MRPS9: variants seen among roughly 807,000 people sequenced by gnomAD.
The protein encoded by MRPS9 is small ribosomal subunit protein uS9m.
MRPS9 carries 45 observed loss-of-function variants against 59.9 expected under a neutral mutation model. The observed-to-expected ratio is 0.75, with a 90% CI of 0.59 to 0.96. MRPS9 has a LOEUF of 0.96. MRPS9 is among the 40% of genes least tolerant of loss of function. The probability of loss-of-function intolerance (pLI) is 0.00; values close to 1 mark genes in which losing one functional copy is unlikely to be tolerated. For missense variants in MRPS9, 473 were observed against 481.1 expected (o/e 0.98, Z 0.16); for synonymous variants, 171 against 166.8 (o/e 1.03, Z -0.19).
intron 2 of MRPS9, among the ~76,000 whole-genome samples, chr2:105,060,584 A>G (rs1190948343): frequency 2.0e-5 from 3 of 152,168 alleles, no homozygotes; most frequent in Admixed American, 1.3e-4. Flanking sequence ...CCTGGCCGCT[A>G]TTGTGTGTTT....
Position 105,099,655 on chromosome 2 carries a change from C to CT in MRPS9, c.1100-10dup. ...ATATTAATGGTTCCTAAAGGCTTCT[C>CT]TTTTTATGCTGCAGCTGGACTACTT... is the stretch of plus-strand genomic sequence containing the variant. On this transcript the variant is annotated splice_polypyrimidine_tract_variant and intron_variant, in intron 10 of 10. Transcript: ENST00000258455. The CT allele has an allele frequency of 2.5e-6, 4 of 1,612,778 alleles. No homozygotes were observed. The highest frequency in any genetic ancestry group is 3.4e-6 in the Non-Finnish European group (4 of 1,179,360).
At position 105,042,751 on chromosome 2, in the gene MRPS9, T is replaced by C. The variant is rs144813454; in HGVS notation, c.135+4524T>C. Reference sequence around the variant, plus strand: ...ACTTTAACATCACTCATTTCTTCTTTACAATTATTTCTGTTAACATTTAAT... The same window carrying C: ...ACTTTAACATCACTCATTTCTTCTTCACAATTATTTCTGTTAACATTTAAT... On this transcript the variant is annotated intron_variant, in intron 1 of 10. Coordinates refer to ENST00000258455, the MANE Select transcript of MRPS9 (RefSeq NM_182640.3). 5.6e-4 allele frequency among the ~76,000 whole-genome samples: 85 copies of C among 152,366 alleles called. 1 individual carries two copies. In the East Asian group the frequency reaches 0.015, roughly 27 times the overall value.
intron 5 of MRPS9, among the ~76,000 whole-genome samples, 164 bp downstream of exon 5, chr2:105,080,226 C>T (rs1315829863): frequency 2.0e-5 from 3 of 152,088 alleles, no homozygotes; most frequent in Non-Finnish European, 4.4e-5. Flanking sequence ...TATAGTAATT[C>T]ATTTTTGCTA....
intron 2 of MRPS9, among the ~76,000 whole-genome samples, chr2:105,065,669 C>T (rs537637249): frequency 1.3e-5 from 2 of 152,296 alleles, no homozygotes; most frequent in African/African-American, 2.4e-5. Context: ...GTGTTCACTG[C>T]TTCCTTTCTT....
intron 1 of MRPS9, chr2:105,038,570 A>G: frequency 4.7e-6 from 1 of 214,422 alleles, no homozygotes; most frequent in Non-Finnish European, 9.3e-6. Context: ...AGGGAGGAGG[A>G]GGGCCGCGCC....
intron 7 of MRPS9, among the ~76,000 whole-genome samples, chr2:105,090,765 A>G (rs1680542546): frequency 6.6e-6 from 1 of 152,190 alleles, no homozygotes; most frequent in Non-Finnish European, 1.5e-5. Context: ...AAATTTCACA[A>G]ATTTTTCCAA....
Sources: allele counts gnomAD v4.1 joint callset (sites outside exome capture counted in the v4.1 genomes callset), GRCh38; gene constraint gnomAD v4.1.1; transcripts MANE v1.5; gene names NCBI Gene and HGNC (gene_info 2026-07-23, HGNC 2026-07-21).